KCNN2: variants seen among roughly 807,000 people sequenced by gnomAD.
KCNN2 encodes potassium calcium-activated channel subfamily N member 2, also known as small conductance calcium-activated potassium channel protein 2.
A neutral mutation model predicts 55.5 loss-of-function variants in KCNN2; 24 were observed. The observed-to-expected ratio is 0.43, with a 90% CI of 0.31 to 0.61. The LOEUF is 0.61. KCNN2 is among the 20% of genes least tolerant of loss of function. The probability of loss-of-function intolerance (pLI) is 0.08; values close to 1 mark genes in which losing one functional copy is unlikely to be tolerated. For synonymous variants in KCNN2, 431 were observed against 336.1 expected, an observed-to-expected ratio of 1.28 and a Z score of -3.09; for missense variants, 754 against 853.6, an observed-to-expected ratio of 0.88 and a Z score of 1.45.
At chr5:114,202,995 C>T (rs1181192850) in intron 1 of KCNN2, among the ~76,000 whole-genome samples, 1 of 152,150 alleles carries the variant, frequency 6.6e-6, no homozygotes, top group Non-Finnish European at 1.5e-5. Context: ...AGGGTCCAAA[C>T]TCTAGAATCA....
intron 2 of KCNN2, among the ~76,000 whole-genome samples, chr5:114,388,090 T>C (rs1397569232): frequency 6.6e-6 from 1 of 152,248 alleles, no homozygotes; most frequent in East Asian, 1.9e-4. Context: ...GATGCTATGC[T>C]GTACCTATTA....
intron 2 of KCNN2, among the ~76,000 whole-genome samples, chr5:114,399,254 G>T (rs150267353): frequency 6.6e-6 from 1 of 152,262 alleles, no homozygotes; most frequent in Non-Finnish European, 1.5e-5. Flanking sequence ...TAACATGATG[G>T]CCTGTTGAGT....
At chr5:114,386,359 A>G (rs1003364930) in intron 2 of KCNN2, among the ~76,000 whole-genome samples, 3 of 152,052 alleles carry the variant, frequency 2.0e-5, no homozygotes, top group South Asian at 2.1e-4. Context: ...TGATTACTGT[A>G]TCTCCACCAG....
At chr5:114,458,758 G>A (rs1761051079) in intron 3 of KCNN2, among the ~76,000 whole-genome samples, 1 of 152,204 alleles carries the variant, frequency 6.6e-6, no homozygotes, top group African/African-American at 2.4e-5. Flanking sequence ...AGGGAACCAG[G>A]CTTGGAGTAT....
At chr5:114,286,627 GGGA>G (rs140199869) in intron 2 of KCNN2, among the ~76,000 whole-genome samples, 1,783 of 152,222 alleles carry the variant, frequency 0.012, 39 homozygotes, top group Admixed American at 0.06. Context: ...GCAAAGAGAA[GGGA>G]GAAGAGGGGA....
At chr5:114,164,145 G>T (rs1752858082) in intron 1 of KCNN2, among the ~76,000 whole-genome samples, 1 of 152,038 alleles carries the variant, frequency 6.6e-6, no homozygotes, top group Non-Finnish European at 1.5e-5. Context: ...TTACTCTCTG[G>T]TGAAATGTAG....
At chr5:114,158,144 A>AC (rs1752681403) in intron 1 of KCNN2, among the ~76,000 whole-genome samples, 1 of 150,772 alleles carries the variant, frequency 6.6e-6, no homozygotes, top group African/African-American at 2.4e-5. Flanking sequence ...TAGGTCTAAC[A>AC]TGTAAGTCTT....
intron 2 of KCNN2, among the ~76,000 whole-genome samples, chr5:114,375,881 A>G (rs1372067006): frequency 6.7e-6 from 1 of 148,928 alleles, no homozygotes; most frequent in Non-Finnish European, 1.5e-5. Context: ...ACTATTTTTT[A>G]AAACTATTTT....
intron 1 of KCNN2, among the ~76,000 whole-genome samples, chr5:114,203,688 C>T (rs1753718269): frequency 6.6e-6 from 1 of 152,172 alleles, no homozygotes; most frequent in African/African-American, 2.4e-5. Context: ...CAGCATCTGA[C>T]ATTCTGCACC....
At chr5:114,482,802 G>A (rs1200233262) in intron 5 of KCNN2, among the ~76,000 whole-genome samples, 1 of 152,088 alleles carries the variant, frequency 6.6e-6, no homozygotes, top group Non-Finnish European at 1.5e-5. Flanking sequence ...TACATGTTCT[G>A]ACTTATAAGT....
intron 1 of KCNN2, among the ~76,000 whole-genome samples, chr5:114,213,959 T>A: frequency 6.6e-6 from 1 of 152,036 alleles, no homozygotes; most frequent in East Asian, 1.9e-4. Flanking sequence ...TAACATTTAT[T>A]GAGTGTTTAC....
intron 3 of KCNN2, among the ~76,000 whole-genome samples, chr5:114,436,037 G>A (rs766942718): frequency 4.6e-5 from 7 of 152,074 alleles, no homozygotes; most frequent in East Asian, 1.9e-4. Context: ...CTTGTTTGTC[G>A]TAATCTTTTT....
chr5:114,287,748 A>G (rs953751277), intron 2 of KCNN2, among the ~76,000 whole-genome samples: 1 of 132,282 alleles, frequency 7.6e-6, no homozygotes, highest in Non-Finnish European at 1.7e-5. Context: ...GTGTCTCAGA[A>G]CTTAAATAAA....
At chr5:114,079,315 C>T (rs1308237749) in intron 1 of KCNN2, among the ~76,000 whole-genome samples, 1 of 151,892 alleles carries the variant, frequency 6.6e-6, no homozygotes, top group African/African-American at 2.4e-5. Flanking sequence ...CATAAGCAGG[C>T]AAGCAACAAA....
At chr5:114,348,691 A>G (rs1002214296) in intron 2 of KCNN2, among the ~76,000 whole-genome samples, 1 of 152,194 alleles carries the variant, frequency 6.6e-6, no homozygotes, top group Admixed American at 6.5e-5. Flanking sequence ...CTCTGTGGAT[A>G]GAGACTGACA....
intron 1 of KCNN2, among the ~76,000 whole-genome samples, chr5:114,195,512 T>C (rs1444102744): frequency 6.6e-6 from 1 of 152,060 alleles, no homozygotes; most frequent in Non-Finnish European, 1.5e-5. Flanking sequence ...ATTCAATAGA[T>C]TTTTGTATAT....
upstream of KCNN2, among the ~76,000 whole-genome samples, chr5:114,357,431 C>T (rs1757315750): frequency 8.0e-6 from 1 of 125,496 alleles, no homozygotes; most frequent in Non-Finnish European, 1.7e-5. Context: ...GTATATCTCC[C>T]GATGCTATCC....
intron 4 of KCNN2, among the ~76,000 whole-genome samples, chr5:114,469,977 T>TTAGAGA (rs1761646336): frequency 6.6e-6 from 1 of 151,948 alleles, no homozygotes; most frequent in African/African-American, 2.4e-5. Context: ...AAAGGAGTAG[T>TTAGAGA]GTTAGGATAA....
At chr5:114,058,016 G>A (rs1750247235) in intron 1 of KCNN2, among the ~76,000 whole-genome samples, 1 of 152,120 alleles carries the variant, frequency 6.6e-6, no homozygotes, top group Non-Finnish European at 1.5e-5. Flanking sequence ...TTCAACATTT[G>A]AACATGTGTG....
Sources: allele counts gnomAD v4.1 joint callset (sites outside exome capture counted in the v4.1 genomes callset), GRCh38; gene constraint gnomAD v4.1.1; transcripts MANE v1.5; gene names NCBI Gene and HGNC (gene_info 2026-07-23, HGNC 2026-07-21).